Variants in PITPNC1 observed in about 807,000 individuals in gnomAD.
The protein encoded by PITPNC1 is cytoplasmic phosphatidylinositol transfer protein 1.
Under a neutral mutation model 44.7 loss-of-function variants are expected in PITPNC1, and 18 were observed. That is an observed-to-expected ratio of 0.40 (90% CI 0.28 to 0.60). The LOEUF is 0.60. PITPNC1 is among the 20% of genes least tolerant of loss of function. The probability of loss-of-function intolerance (pLI) is 0.39; values close to 1 mark genes in which losing one functional copy is unlikely to be tolerated. For synonymous variants in PITPNC1, 141 were observed against 149.6 expected (o/e 0.94, Z 0.42); for missense variants, 290 against 418.4 (o/e 0.69, Z 2.68).
intron 1 of PITPNC1, among the ~76,000 whole-genome samples, 152 bp downstream of exon 1, chr17:67,378,354 G>A (rs2143769115): frequency 6.6e-6 from 1 of 152,224 alleles, no homozygotes; most frequent in South Asian, 2.1e-4. Context: ...GAGGGGATTT[G>A]CGGCTTCCAC....
chr17:67,383,142 T>C (rs575701909), intron 1 of PITPNC1, among the ~76,000 whole-genome samples: 20 of 151,226 alleles, frequency 1.3e-4, no homozygotes, highest in Non-Finnish European at 2.9e-4. Flanking sequence ...ATTTACAGGC[T>C]TGTACCACCC....
intron 1 of PITPNC1, among the ~76,000 whole-genome samples, chr17:67,400,085 T>C (rs1228269397): frequency 6.6e-6 from 1 of 152,192 alleles, no homozygotes; most frequent in Non-Finnish European, 1.5e-5. Flanking sequence ...CTGGTGATCA[T>C]GATGGGCTAG....
intron 8 of PITPNC1, among the ~76,000 whole-genome samples, chr17:67,689,098 A>C (rs1361856353): frequency 6.6e-6 from 1 of 152,194 alleles, no homozygotes; most frequent in Non-Finnish European, 1.5e-5. Context: ...GCTACTCGGG[A>C]GGCTGAGGCA....
chr17:67,587,324 C>CA (rs530075213), intron 5 of PITPNC1, among the ~76,000 whole-genome samples: 1,565 of 102,890 alleles, frequency 0.015, 19 homozygotes, highest in African/African-American at 0.039. Flanking sequence ...CCCATCTCTA[C>CA]AAAAAAAAAA....
In PITPNC1 at chr17:67,378,845, GGGGAGCGGCGCGCGAGCC is replaced by G. The variant is rs561556909; in HGVS notation, c.48+654_48+671del. 717 of 314,370 alleles carry G rather than the reference GGGGAGCGGCGCGCGAGCC, an allele frequency of 2.3e-3. 1 individual carries two copies. The highest frequency in any genetic ancestry group is 4.5e-3 in the Admixed American group (70 of 15,444). 19.5% of individuals were successfully genotyped at this position (314,370 alleles called of 1,614,324 possible). ...CTGCGTCTCTTGTTTCTTCCGCCGC[GGGGAGCGGCGCGCGAGCC>G]GGGAGCGGCGGGGGCTGCGACGCGG... On this transcript the variant is annotated intron_variant, in intron 1 of 8. Coordinates refer to ENST00000581322, the MANE Select transcript of PITPNC1 (RefSeq NM_012417.4).
intron 1 of PITPNC1, among the ~76,000 whole-genome samples, chr17:67,483,069 C>G (rs1047240720): frequency 3.3e-5 from 5 of 152,194 alleles, no homozygotes; most frequent in Non-Finnish European, 7.3e-5. Context: ...CTTTCACAGC[C>G]TCCTGATCTG....
rs1487413057 is a variant in PITPNC1, at chr17:67,425,193, GCACGCACACGCACA to G, written c.48+46995_48+47008del. On this transcript the variant is annotated intron_variant, in intron 1 of 8. Transcript: ENST00000581322. ...AAATAAACAGCCATGTTGTGCGCGC[GCACGCACACGCACA>G]CACACACACACACACACACACACAC... Among the ~76,000 whole-genome samples the G allele has an allele frequency of 1.3e-4, 7 of 52,122 alleles. 1 individual carries two copies. Among genetic ancestry groups the G allele is most frequent in the Middle Eastern group, 0.018 (2 of 110 alleles). 34.2% of individuals were successfully genotyped at this position (52,122 alleles called of 152,430 possible). A position where few individuals can be genotyped will look rare whatever the true frequency, so the allele number is the denominator to read the frequency against.
chr17:67,616,999 A>G (rs2041766689), intron 5 of PITPNC1, among the ~76,000 whole-genome samples: 1 of 152,200 alleles, frequency 6.6e-6, no homozygotes, highest in Non-Finnish European at 1.5e-5. Context: ...ACAAATGTCC[A>G]CCATCGGCCG....
chr17:67,579,466 T>C (rs891773044), intron 5 of PITPNC1, among the ~76,000 whole-genome samples: 4 of 152,158 alleles, frequency 2.6e-5, no homozygotes, highest in South Asian at 2.1e-4. Flanking sequence ...TAGTGTCTCC[T>C]TGAAGTGGCA....
At chr17:67,558,296 A>C (rs933378382) in intron 4 of PITPNC1, among the ~76,000 whole-genome samples, 7 of 152,090 alleles carry the variant, frequency 4.6e-5, no homozygotes, top group African/African-American at 7.2e-5. Context: ...GAAAAAAAAA[A>C]CACTTAATTA....
chr17:67,437,762 A>AAATG (rs927033350), intron 1 of PITPNC1, among the ~76,000 whole-genome samples: 4 of 152,138 alleles, frequency 2.6e-5, no homozygotes, highest in African/African-American at 9.7e-5. Context: ...ACGAATGAAC[A>AAATG]AATGAATGAA....
chr17:67,628,030 G>A (rs944143239), intron 5 of PITPNC1, among the ~76,000 whole-genome samples: 2 of 150,522 alleles, frequency 1.3e-5, no homozygotes, highest in South Asian at 2.1e-4. Context: ...GAGTTCAAGC[G>A]ATTCTCATGC....
chr17:67,583,098 G>T (rs1249984307), intron 5 of PITPNC1, among the ~76,000 whole-genome samples: 1 of 152,190 alleles, frequency 6.6e-6, no homozygotes, highest in Non-Finnish European at 1.5e-5. Context: ...CTGGGCGCAG[G>T]CTGGTCTAAA....
At chr17:67,428,819 AT>A (rs928820221) in intron 1 of PITPNC1, among the ~76,000 whole-genome samples, 1 of 124,394 alleles carries the variant, frequency 8.0e-6, no homozygotes, top group African/African-American at 3.0e-5. Flanking sequence ...TTAGTTAACC[AT>A]TTTTTTCTAC....
chr17:67,464,503 C>T (rs971388972), intron 1 of PITPNC1, among the ~76,000 whole-genome samples: 5 of 152,002 alleles, frequency 3.3e-5, no homozygotes, highest in African/African-American at 1.2e-4. Flanking sequence ...CATAGGCTGG[C>T]GAACTCTAAG....
chr17:67,452,446 A>G (rs930363295), intron 1 of PITPNC1, among the ~76,000 whole-genome samples: 6 of 151,592 alleles, frequency 4.0e-5, no homozygotes, highest in African/African-American at 1.5e-4. Context: ...GATCATTTGT[A>G]TACAATTCTT....
chr17:67,634,617 G>A (rs548881205), intron 6 of PITPNC1, among the ~76,000 whole-genome samples: 1 of 152,262 alleles, frequency 6.6e-6, no homozygotes, highest in Admixed American at 6.5e-5. Context: ...CACGCAGAGA[G>A]TATTTGGCGA....
intron 6 of PITPNC1, among the ~76,000 whole-genome samples, chr17:67,660,938 A>G (rs1598948193): frequency 6.7e-6 from 1 of 150,316 alleles, no homozygotes; most frequent in South Asian, 2.1e-4. Context: ...GGCTTGCTGC[A>G]ACATCCACCT....
chr17:67,599,026 ATATATATAT>A lies in PITPNC1; in HGVS notation c.366+20771_366+20779del, dbSNP rs1486831171. On this transcript the variant is annotated intron_variant, in intron 5 of 8. Transcript: ENST00000581322. ...CATATATATATATATATATATATAT[ATATATATAT>A]TTTTTTTTTTTTTTTTTTTACCATG... Among the ~76,000 whole-genome samples, 167 of 32,460 alleles carry A rather than the reference ATATATATAT, an allele frequency of 5.1e-3. 2 individuals carry two copies. Among genetic ancestry groups the A allele is most frequent in the South Asian group, 0.028 (26 of 936 alleles). 21.3% of individuals were successfully genotyped at this position (32,460 alleles called of 152,430 possible). A position where few individuals can be genotyped will look rare whatever the true frequency, so the allele number is the denominator to read the frequency against.
Sources: gnomAD v4.1 joint callset for allele counts (sites outside exome capture counted in the v4.1 genomes callset) on GRCh38, gnomAD v4.1.1 for gene constraint, MANE v1.5 for transcripts, NCBI Gene and HGNC (gene_info 2026-07-23, HGNC 2026-07-21) for gene names.